Variants in ZMAT4 observed in about 807,000 individuals in gnomAD.
The protein encoded by ZMAT4 is zinc finger matrin-type 4, also known as zinc finger matrin-type protein 4.
Under a neutral mutation model 28.7 loss-of-function variants are expected in ZMAT4, and 17 were observed. The observed-to-expected ratio is 0.59, with a 90% CI of 0.41 to 0.89. The LOEUF (loss-of-function observed/expected upper bound fraction) is 0.89. ZMAT4 is among the 40% of genes least tolerant of loss of function. The pLI, the probability that ZMAT4 is intolerant of heterozygous loss-of-function variation, is 0.00. For missense variants in ZMAT4, 240 were observed against 283.8 expected (o/e 0.85, Z 1.11); for synonymous variants, 117 against 109.2 (o/e 1.07, Z -0.44).
At chr8:40,842,165 C>A (rs1259073032) in intron 1 of ZMAT4, among the ~76,000 whole-genome samples, 3 of 152,200 alleles carry the variant, frequency 2.0e-5, no homozygotes, top group Non-Finnish European at 4.4e-5. Flanking sequence ...CTGGGGGCAG[C>A]AATGGTGGTC....
intron 6 of ZMAT4, among the ~76,000 whole-genome samples, chr8:40,552,902 G>T (rs572831552): frequency 2.6e-5 from 4 of 152,184 alleles, no homozygotes; most frequent in African/African-American, 7.2e-5. Context: ...CTAACAAATA[G>T]AAAAAAATGT....
chr8:40,604,034 C>A (rs377340233), intron 5 of ZMAT4, among the ~76,000 whole-genome samples: 1 of 152,074 alleles, frequency 6.6e-6, no homozygotes, highest in Non-Finnish European at 1.5e-5. Flanking sequence ...TTGCTTTTGG[C>A]GTATAGCAGT....
intron 3 of ZMAT4, among the ~76,000 whole-genome samples, chr8:40,725,686 G>A (rs4354294): frequency 0.27 from 41,548 of 151,932 alleles, 6,561 homozygotes; most frequent in East Asian, 0.56. Flanking sequence ...CAGGAGAATC[G>A]CTTGAACCTG....
intron 5 of ZMAT4, among the ~76,000 whole-genome samples, chr8:40,617,540 C>T (rs757602913): frequency 6.6e-6 from 1 of 152,132 alleles, no homozygotes; most frequent in Non-Finnish European, 1.5e-5. Context: ...CAAGCAGACA[C>T]AATCGTTTGG....
At chr8:40,540,248 G>A (rs1424429597) in intron 6 of ZMAT4, among the ~76,000 whole-genome samples, 1 of 152,176 alleles carries the variant, frequency 6.6e-6, no homozygotes, top group African/African-American at 2.4e-5. Context: ...TTCCTGTGTG[G>A]AACCTGGGAT....
At chr8:40,731,423 A>AGAGT (rs60228882) in intron 3 of ZMAT4, among the ~76,000 whole-genome samples, 2 of 414 alleles carry the variant, frequency 4.8e-3, no homozygotes, top group Non-Finnish European at 0.045. Context: ...ATGATCAGAC[A>AGAGT]GAGAGAGAGA....
At chr8:40,544,958 C>A (rs140994535) in intron 6 of ZMAT4, among the ~76,000 whole-genome samples, 12 of 152,184 alleles carry the variant, frequency 7.9e-5, no homozygotes, top group African/African-American at 2.6e-4. Context: ...GCATATGAAT[C>A]GTATTATTAT....
intron 6 of ZMAT4, among the ~76,000 whole-genome samples, chr8:40,579,173 A>G (rs1369692781): frequency 6.6e-6 from 1 of 152,208 alleles, no homozygotes; most frequent in Non-Finnish European, 1.5e-5. Flanking sequence ...TAGAGAAGAG[A>G]GACATTTTTC....
intron 3 of ZMAT4, among the ~76,000 whole-genome samples, chr8:40,736,558 G>A (rs1371619662): frequency 1.3e-5 from 2 of 152,174 alleles, no homozygotes; most frequent in African/African-American, 4.8e-5. Flanking sequence ...TGGCTGCCCA[G>A]AAGGCACACA....
chr8:40,669,485 C>A (rs1323991157), intron 5 of ZMAT4, among the ~76,000 whole-genome samples: 1 of 151,898 alleles, frequency 6.6e-6, no homozygotes, highest in Non-Finnish European at 1.5e-5. Flanking sequence ...CCGCTTTTGC[C>A]TCTGCCACCC....
At chr8:40,746,246 TCCCTCCCTCCCTCCCTC>T (rs1812213299) in intron 3 of ZMAT4, among the ~76,000 whole-genome samples, 1 of 53,702 alleles carries the variant, frequency 1.9e-5, no homozygotes, top group Admixed American at 2.1e-4. Context: ...CCTCCCTCCC[TCCCTCCCTCCCTCCCTC>T]CCTTCCTTCC....
At chr8:40,762,385 T>C (rs1812979140) in intron 3 of ZMAT4, among the ~76,000 whole-genome samples, 1 of 152,190 alleles carries the variant, frequency 6.6e-6, no homozygotes, top group East Asian at 1.9e-4. Context: ...CCAGGTGTGG[T>C]GGTTCATGCC....
intron 1 of ZMAT4, among the ~76,000 whole-genome samples, chr8:40,892,410 C>T (rs1818728278): frequency 6.6e-6 from 1 of 152,208 alleles, no homozygotes; most frequent in South Asian, 2.1e-4. Flanking sequence ...AGCAGCCCCT[C>T]CCAGCCACTC....
At chr8:40,794,768 T>C (rs1371739687) in intron 2 of ZMAT4, among the ~76,000 whole-genome samples, 1 of 152,066 alleles carries the variant, frequency 6.6e-6, no homozygotes, top group Non-Finnish European at 1.5e-5. Context: ...AGTTTTCTCC[T>C]CTCTGGGTCT....
At chr8:40,643,447 G>T (rs1807146150) in intron 5 of ZMAT4, among the ~76,000 whole-genome samples, 1 of 152,128 alleles carries the variant, frequency 6.6e-6, no homozygotes, top group South Asian at 2.1e-4. Flanking sequence ...GCATGGTGGG[G>T]AATATCCCAT....
chr8:40,842,883 C>A (rs1308585268), intron 1 of ZMAT4, among the ~76,000 whole-genome samples: 1 of 152,254 alleles, frequency 6.6e-6, no homozygotes, highest in African/African-American at 2.4e-5. Context: ...TCAAGCAATT[C>A]TCCTGCCTCA....
chr8:40,800,096 G>A (rs1323285291), intron 2 of ZMAT4, among the ~76,000 whole-genome samples: 2 of 152,194 alleles, frequency 1.3e-5, no homozygotes, highest in Non-Finnish European at 2.9e-5. Context: ...CTGCATGGCA[G>A]CATTTGAGTC....
At chr8:40,810,675 A>G (rs1372411307) in intron 2 of ZMAT4, among the ~76,000 whole-genome samples, 2 of 152,172 alleles carry the variant, frequency 1.3e-5, no homozygotes, top group African/African-American at 4.8e-5. Context: ...CTTCTTAAAC[A>G]AACTGTAGAG....
At chr8:40,559,895 G>T (rs2118460453) in intron 6 of ZMAT4, among the ~76,000 whole-genome samples, 1 of 152,154 alleles carries the variant, frequency 6.6e-6, no homozygotes, top group East Asian at 1.9e-4. Context: ...GAAAAAAATA[G>T]ATGACCCAGA....
Sources: gnomAD v4.1 joint callset for allele counts (sites outside exome capture counted in the v4.1 genomes callset) on GRCh38, gnomAD v4.1.1 for gene constraint, MANE v1.5 for transcripts, NCBI Gene and HGNC (gene_info 2026-07-23, HGNC 2026-07-21) for gene names.